RHEX: variants seen among roughly 807,000 people sequenced by gnomAD.
The protein encoded by RHEX is regulator of hemoglobinization and erythroid cell expansion, also known as regulator of hemoglobinization and erythroid cell expansion protein.
RHEX carries 18 observed loss-of-function variants against 20.1 expected under a neutral mutation model. The ratio of observed to expected loss-of-function variants is 0.90; its 90% confidence interval spans 0.62 to 1.33. RHEX has a LOEUF of 1.33. RHEX is among the 40% of genes most tolerant of loss of function. The pLI is 0.00. For synonymous variants in RHEX, 87 were observed against 77.1 expected, an observed-to-expected ratio of 1.13 and a Z score of -0.67; for missense variants, 192 against 214.3, an observed-to-expected ratio of 0.90 and a Z score of 0.65.
chr1:206,064,878 G>C (rs1053135566), intron 1 of RHEX, among the ~76,000 whole-genome samples: 4 of 147,982 alleles, frequency 2.7e-5, no homozygotes, highest in African/African-American at 8.0e-5. Context: ...GATGGTTGCC[G>C]TGTCTGTGTA....
At chr1:206,086,020 T>A (rs1553286377) in intron 1 of RHEX, among the ~76,000 whole-genome samples, 1 of 152,160 alleles carries the variant, frequency 6.6e-6, no homozygotes, top group East Asian at 1.9e-4. Flanking sequence ...CCTGTAACCC[T>A]CTGTTGTCCT....
chr1:206,068,232 A>G (rs2102311378), intron 1 of RHEX, among the ~76,000 whole-genome samples: 1 of 152,338 alleles, frequency 6.6e-6, no homozygotes, highest in East Asian at 1.9e-4. Context: ...TTGAAAATGT[A>G]AAAGTAGGTT....
At chr1:206,085,904 C>T (rs1662829332) in intron 1 of RHEX, among the ~76,000 whole-genome samples, 1 of 152,160 alleles carries the variant, frequency 6.6e-6, no homozygotes, top group Non-Finnish European at 1.5e-5. Context: ...TGCCATATTC[C>T]AGATGAGCCC....
At chr1:206,063,591 G>A (rs202058662) in intron 1 of RHEX, among the ~76,000 whole-genome samples, 2 of 152,182 alleles carry the variant, frequency 1.3e-5, no homozygotes, top group East Asian at 1.9e-4. Context: ...ACGGGGTTTC[G>A]CTGTGTTGGC....
At chr1:206,056,980 T>A (rs368876481) in intron 1 of RHEX, among the ~76,000 whole-genome samples, 2 of 152,230 alleles carry the variant, frequency 1.3e-5, no homozygotes, top group Admixed American at 1.3e-4. Context: ...CTTTTAGAAT[T>A]GATAATCACA....
At chr1:206,098,512 G>A (rs1553288032) in intron 3 of RHEX, 1 of 247,752 alleles carries the variant, frequency 4.0e-6, no homozygotes, top group African/African-American at 2.2e-5. Context: ...CTTCATCCCT[G>A]TTAAAGGACT....
rs781815254 is a variant in RHEX, at chr1:206,099,742, A to G, written c.200A>G (p.Glu67Gly). ...CACCATCATCCACCTGCTGTCAAAG[A>G]GATGAAGGAGACTCAGACAGAGAGA... The part of the protein sequence containing the change: ...PGHHHPPAVK[E>G]MKETQTERDI... The change falls in exon 4 of 6, where the codon GAG becomes GGG. Residue 67 changes from glutamate to glycine, a missense_variant. Physicochemically the swap from Glu to Gly is moderately conservative, Grantham distance 98. Transcript: ENST00000331555. 2.5e-6 allele frequency: 4 copies of G among 1,614,010 alleles called. No homozygotes were observed. Among genetic ancestry groups the G allele is most frequent in the Non-Finnish European group, 3.4e-6 (4 of 1,179,890 alleles).
At position 206,064,263 on chromosome 1, in the gene RHEX, G is replaced by T. The variant is rs1489928293; in HGVS notation, c.-97+10998G>T. 2.6e-4 allele frequency among the ~76,000 whole-genome samples: 37 copies of T among 140,126 alleles called. 1 individual carries two copies. The highest frequency in any genetic ancestry group is 3.1e-5 in the Non-Finnish European group (2 of 64,810). 91.9% of individuals were successfully genotyped at this position (140,126 alleles called of 152,430 possible). A position where few individuals can be genotyped will look rare whatever the true frequency, so the allele number is the denominator to read the frequency against. The stretch of plus-strand genomic sequence containing the variant: ...GCCACCCCGTCCGGGAGGGAGGTGG[G>T]GGGGGTCAGCCCCCCGCCCGGCCAG... On this transcript the variant is annotated intron_variant, in intron 1 of 5. Transcript: ENST00000331555.
intron 1 of RHEX, among the ~76,000 whole-genome samples, chr1:206,072,698 C>T (rs559565290): frequency 2.0e-5 from 3 of 152,256 alleles, no homozygotes; most frequent in African/African-American, 4.8e-5. Context: ...TCCAGCATGT[C>T]CCCTGAAACA....
intron 4 of RHEX, 21 bp downstream of exon 4, chr1:206,099,819 A>C (rs782585176): frequency 6.2e-7 from 1 of 1,612,324 alleles, no homozygotes; most frequent in Non-Finnish European, 8.5e-7. Context: ...GGTTGGAGGG[A>C]GAACTTGTCT....
intron 1 of RHEX, among the ~76,000 whole-genome samples, chr1:206,090,202 CTT>C (rs59499927): frequency 0.015 from 1,679 of 112,482 alleles, 11 homozygotes; most frequent in African/African-American, 0.056. Context: ...TCTTTTCTTT[CTT>C]TTTTTTTTTT....
chr1:206,097,544 G>C (rs1385682380), intron 1 of RHEX, 189 bp from the exon 2 acceptor site: 3 of 510,940 alleles, frequency 5.9e-6, no homozygotes, highest in African/African-American at 1.9e-5. Context: ...AAAATGTTAA[G>C]TGCACTTTAC....
At chr1:206,078,402 A>G (rs1272238806) in intron 1 of RHEX, among the ~76,000 whole-genome samples, 1 of 152,042 alleles carries the variant, frequency 6.6e-6, no homozygotes, top group African/African-American at 2.4e-5. Context: ...ATGTTTTTAA[A>G]CATTAAAAAT....
chr1:206,057,429 T>G (rs1662214531), intron 1 of RHEX, among the ~76,000 whole-genome samples: 1 of 152,280 alleles, frequency 6.6e-6, no homozygotes, highest in African/African-American at 2.4e-5. Flanking sequence ...TAGGGCAGCT[T>G]AGTTGTCTTG....
intron 1 of RHEX, among the ~76,000 whole-genome samples, chr1:206,095,515 A>G (rs1452005137): frequency 6.6e-6 from 1 of 152,212 alleles, no homozygotes; most frequent in Non-Finnish European, 1.5e-5. Flanking sequence ...AGGATATGGA[A>G]TAAGATTTGG....
At chr1:206,088,846 G>GGTCTCAC (rs1367185625) in intron 1 of RHEX, among the ~76,000 whole-genome samples, 4 of 151,722 alleles carry the variant, frequency 2.6e-5, no homozygotes, top group Non-Finnish European at 5.9e-5. Context: ...TTTGAGACAG[G>GGTCTCAC]GTCTCACGTT....
At chr1:206,084,927 T>C (rs914091572) in intron 1 of RHEX, among the ~76,000 whole-genome samples, 2 of 152,136 alleles carry the variant, frequency 1.3e-5, no homozygotes. Flanking sequence ...GAAGTTTCCA[T>C]GGTCTCATGT....
chr1:206,072,304 G>A (rs1040621590), intron 1 of RHEX, among the ~76,000 whole-genome samples: 3 of 152,122 alleles, frequency 2.0e-5, no homozygotes, highest in South Asian at 2.1e-4. Flanking sequence ...GGCCGGGCGC[G>A]GTTGTTCACG....
At chr1:206,071,410 G>A (rs1662525512) in intron 1 of RHEX, among the ~76,000 whole-genome samples, 1 of 151,992 alleles carries the variant, frequency 6.6e-6, no homozygotes, top group Non-Finnish European at 1.5e-5. Context: ...ATCTCCTTTG[G>A]CAACATCCTC....
Sources: allele counts gnomAD v4.1 joint callset (sites outside exome capture counted in the v4.1 genomes callset), GRCh38; gene constraint gnomAD v4.1.1; transcripts MANE v1.5; gene names NCBI Gene and HGNC (gene_info 2026-07-23, HGNC 2026-07-21).